DNAJC17: variants seen among roughly 807,000 people sequenced by gnomAD.
DNAJC17 encodes the protein DnaJ heat shock protein family (Hsp40) member C17.
In DNAJC17, 35 loss-of-function variants were observed where a neutral mutation model predicts 48.1. The ratio of observed to expected loss-of-function variants is 0.73; its 90% CI spans 0.56 to 0.96. The LOEUF (loss-of-function observed/expected upper bound fraction) is 0.96. Ranked by LOEUF, DNAJC17 falls within the 50% of genes least tolerant of loss-of-function variation. The probability of loss-of-function intolerance (pLI) is 0.00; values close to 1 mark genes in which losing one functional copy is unlikely to be tolerated. For missense variants in DNAJC17, 355 were observed against 377.1 expected (o/e 0.94, Z 0.48); for synonymous variants, 117 against 142.7 (o/e 0.82, Z 1.28).
At chr15:40,793,276 CTT>C (rs1889858395) in intron 1 of DNAJC17, among the ~76,000 whole-genome samples, 1 of 152,158 alleles carries the variant, frequency 6.6e-6, no homozygotes, top group African/African-American at 2.4e-5. Flanking sequence ...TAAATCATGT[CTT>C]CCTCTTTATT....
rs779030942 is a variant in DNAJC17 at position 40,785,095 on chromosome 15, T to TAAC, written c.79-5101_79-5099dup. On this transcript the variant is annotated intron_variant, in intron 1 of 10. Transcript: ENST00000220496. ...CCTGGGAGGGAAGAGTGAAAGTCCA[T>TAAC]AACAACAACAACAACAAAACAACAA... 6.6e-5 allele frequency among the ~76,000 whole-genome samples: 10 copies of TAAC among 151,872 alleles called. No homozygotes were observed. In the South Asian group the frequency reaches 1.2e-3, roughly 19 times the overall value.
chr15:40,798,512 G>A (rs549056001), intron 1 of DNAJC17, among the ~76,000 whole-genome samples: 100 of 152,278 alleles, frequency 6.6e-4, no homozygotes, highest in African/African-American at 2.3e-3. Flanking sequence ...TAAATTTTGC[G>A]TTAAATACAT....
At position 40,796,928 on chromosome 15, in the gene DNAJC17, T is replaced by C. The variant is rs79002921; in HGVS notation, c.78+10441A>G. Reference sequence around the variant, plus strand: ...GCGTGCGCCACCACAATGAGCTAATTTTTTCTTTTTTTTTCCTTTGTAGAG... The same window carrying C: ...GCGTGCGCCACCACAATGAGCTAATCTTTTCTTTTTTTTTCCTTTGTAGAG... On this transcript the variant is annotated intron_variant, in intron 1 of 10. Coordinates refer to ENST00000220496, the MANE Select transcript of DNAJC17 (RefSeq NM_018163.3). Among the ~76,000 whole-genome samples, 745 of 152,192 alleles carry C rather than the reference T, an allele frequency of 4.9e-3. 8 individuals carry two copies. The highest frequency in any genetic ancestry group is 0.017 in the African/African-American group (719 of 41,520).
In DNAJC17 at chr15:40,767,981, C is replaced by T. The variant is rs1157118485; in HGVS notation, c.874G>A (p.Ala292Thr). The T allele has an allele frequency of 3.1e-6, 5 of 1,611,172 alleles. No homozygotes were observed. The highest frequency in any genetic ancestry group is 4.2e-6 in the Non-Finnish European group (5 of 1,179,222). The stretch of plus-strand genomic sequence containing the variant: ...TCCTGGTCTTCCTGCTGCATCCGTG[C>T]GATCAGCTGTTGCCGCTCGGCCGCC... ...RQAAERQQLI[A>T]RMQQEDQEGP... The change falls in exon 11 of 11, where the codon GCA becomes ACA. Residue 292 changes from alanine (A) to threonine (T), a missense_variant. This residue lies in a region of DNAJC17 where 88 missense variants were observed against 67.7 expected (regional missense o/e 1.30). Transcript: ENST00000220496.
chr15:40,790,273 A>C (rs999336693), intron 1 of DNAJC17, among the ~76,000 whole-genome samples: 1 of 152,100 alleles, frequency 6.6e-6, no homozygotes, highest in African/African-American at 2.4e-5. Context: ...CTCAAAGAGG[A>C]GTAGAAAATT....
At chr15:40,780,471 C>T (rs1889452900) in intron 1 of DNAJC17, 1 of 382,624 alleles carries the variant, frequency 2.6e-6, no homozygotes, top group Admixed American at 3.2e-5. Flanking sequence ...CTCTACAACA[C>T]TGTTGATACT....
In DNAJC17 at chr15:40,765,493, G is replaced by C. The variant is rs965593013; in HGVS notation, c.*2447C>G. 1 of 186,426 alleles carries C rather than the reference G, an allele frequency of 5.4e-6. No homozygotes were observed. The highest frequency in any genetic ancestry group is 2.3e-5 in the African/African-American group (1 of 42,784). The allele number at this position is 186,426 out of a possible 1,614,324, so 11.5% of individuals were successfully genotyped here. A position where few individuals can be genotyped will look rare whatever the true frequency, so the allele number is the denominator to read the frequency against. ...ACTCTGTCACCCAGGCTGGAGTGCAGTGGTGCAATCATGGCTCACTGCAGC... is the reference window on the plus strand; with the variant it reads ...ACTCTGTCACCCAGGCTGGAGTGCACTGGTGCAATCATGGCTCACTGCAGC... On this transcript the variant is annotated 3_prime_UTR_variant, in exon 11 of 11. Coordinates refer to ENST00000220496, the MANE Select transcript of DNAJC17 (RefSeq NM_018163.3).
chr15:40,803,404 T>C (rs750697136), intron 1 of DNAJC17, among the ~76,000 whole-genome samples: 3 of 152,192 alleles, frequency 2.0e-5, no homozygotes, highest in Non-Finnish European at 2.9e-5. Context: ...TACCAAAAAG[T>C]GTGTTGCCAT....
intron 1 of DNAJC17, among the ~76,000 whole-genome samples, chr15:40,789,003 G>A (rs1275055998): frequency 6.6e-6 from 1 of 152,168 alleles, no homozygotes; most frequent in Non-Finnish European, 1.5e-5. Context: ...CAACCTATGG[G>A]CTGCTCCCAA....
At chr15:40,794,664 C>G (rs1287854184) in intron 1 of DNAJC17, among the ~76,000 whole-genome samples, 1 of 152,074 alleles carries the variant, frequency 6.6e-6, no homozygotes, top group Non-Finnish European at 1.5e-5. Context: ...GCGAGACCAT[C>G]TTTAAAAAAA....
Position 40,770,286 on chromosome 15 carries a change from C to A in DNAJC17, c.793-2224G>T. ...GGAAACTCTTGCTGCCAGGAACTCC[C>A]AGCTGTCTGCTCTCCTGGGCAAAAA... On this transcript the variant is annotated intron_variant, in intron 10 of 10. Transcript: ENST00000220496. The surrounding 1 kb of genome is among the most constrained non-coding windows in gnomAD (Gnocchi z 5.0). 1 of 584,406 alleles carries A rather than the reference C, an allele frequency of 1.7e-6. No individual in the cohort carries two copies. The highest frequency in any genetic ancestry group is 3.0e-6 in the Non-Finnish European group (1 of 332,012). The allele number at this position is 584,406 out of a possible 1,614,324, so 36.2% of individuals were successfully genotyped here.
chr15:40,777,530 C>T (rs1276067366), intron 4 of DNAJC17, among the ~76,000 whole-genome samples: 1 of 151,950 alleles, frequency 6.6e-6, no homozygotes, highest in Non-Finnish European at 1.5e-5. Flanking sequence ...ACCAGCCTGG[C>T]CAATGTGGCA....
intron 1 of DNAJC17, among the ~76,000 whole-genome samples, chr15:40,802,756 A>C (rs1890105906): frequency 6.6e-6 from 1 of 152,142 alleles, no homozygotes; most frequent in African/African-American, 2.4e-5. Context: ...TTTCGCCATC[A>C]GTAACACAGG....
chr15:40,777,277 CTCTCT>C (rs975926438), intron 4 of DNAJC17, among the ~76,000 whole-genome samples: 14 of 148,466 alleles, frequency 9.4e-5, no homozygotes, highest in African/African-American at 3.3e-4. Context: ...TTTTCTCTCT[CTCTCT>C]TTTTTTTTTT....
intron 1 of DNAJC17, among the ~76,000 whole-genome samples, chr15:40,801,495 G>A (rs576515207): frequency 3.7e-4 from 57 of 152,202 alleles, no homozygotes; most frequent in African/African-American, 1.3e-3. Context: ...GGTGGCTCAC[G>A]CCTGCAATCC....
chr15:40,797,289 G>T (rs1269652903), intron 1 of DNAJC17, among the ~76,000 whole-genome samples: 1 of 152,170 alleles, frequency 6.6e-6, no homozygotes, highest in East Asian at 1.9e-4. Flanking sequence ...ACGACTGCTT[G>T]GGCCCAGGAG....
rs748494769 is a variant in DNAJC17 at position 40,773,828 on chromosome 15, C to G, written c.691G>C (p.Val231Leu). Reference protein sequence around the residue: ...FATVKAAELAVQNEVGLVDNP... With the variant: ...FATVKAAELALQNEVGLVDNP... The stretch of plus-strand genomic sequence containing the variant: ...TCCACCAGGCCAACTTCATTCTGGA[C>G]AGCCAGCTCCTGCCAAACACAGCAT... Residue 231 changes from valine to leucine, a missense_variant, in exon 10 of 11, where the codon GTC (valine) becomes CTC (leucine). Transcript: ENST00000220496. The G allele has an allele frequency of 1.2e-6, 2 of 1,613,574 alleles. No individual in the cohort carries two copies. The highest frequency in any genetic ancestry group is 2.2e-5 in the East Asian group (1 of 44,886).
In DNAJC17 at chr15:40,769,098, C is replaced by G. The variant is rs181306843; in HGVS notation, c.793-1036G>C. Among the ~76,000 whole-genome samples, 1 of 152,336 alleles carries G rather than the reference C, an allele frequency of 6.6e-6. No homozygotes were observed. Among genetic ancestry groups the G allele is most frequent in the East Asian group, 1.9e-4 (1 of 5,176 alleles). On this transcript the variant is annotated intron_variant, in intron 10 of 10. Coordinates refer to ENST00000220496, the MANE Select transcript of DNAJC17 (RefSeq NM_018163.3). The surrounding 1 kb of genome is among the most constrained non-coding windows in gnomAD (Gnocchi z 4.2). Reference sequence around the variant, plus strand: ...GTTTGGAGTAAGGGGTGTAGAGAAACAGGAAGTGTTACTCAGCCTGGGTTC... The same window carrying G: ...GTTTGGAGTAAGGGGTGTAGAGAAAGAGGAAGTGTTACTCAGCCTGGGTTC...
Position 40,766,058 on chromosome 15 carries a change from G to A in DNAJC17, c.*1882C>T, listed in dbSNP as rs949238140. 3.2e-5 allele frequency: 15 copies of A among 471,682 alleles called. No homozygotes were observed. Among genetic ancestry groups the A allele is most frequent in the Non-Finnish European group, 4.3e-5 (11 of 258,710 alleles). The allele number at this position is 471,682 out of a possible 1,614,324, so 29.2% of individuals were successfully genotyped here. ...CCTGCATCCTGGGGCTCTGTTCTCC[G>A]GAGGAGTTGGTCCCATCTGTAGCCT... On this transcript the variant is annotated 3_prime_UTR_variant, in exon 11 of 11. Transcript: ENST00000220496.
Sources: allele counts gnomAD v4.1 joint callset (sites outside exome capture counted in the v4.1 genomes callset), GRCh38; gene constraint gnomAD v4.1.1; regional missense constraint gnomAD v4.1.1; non-coding constraint Gnocchi (gnomAD v3.1); transcripts MANE v1.5; gene names NCBI Gene and HGNC (gene_info 2026-07-23, HGNC 2026-07-21).